The following CHMP2B variants were observed in gnomAD, a reference collection of about 807,000 sequenced individuals.
The protein encoded by CHMP2B is charged multivesicular body protein 2B.
In CHMP2B, 22 loss-of-function variants were observed where a neutral mutation model predicts 29.8. The observed-to-expected ratio is 0.74, with a 90% CI of 0.53 to 1.05. The LOEUF is 1.05. Ranked by LOEUF, CHMP2B falls within the 50% of genes least tolerant of loss-of-function variation. The pLI, the probability that CHMP2B is intolerant of heterozygous loss-of-function variation, is 0.00. For missense variants in CHMP2B, 261 were observed against 252.2 expected, an observed-to-expected ratio of 1.03 and a Z score of -0.24; for synonymous variants, 78 against 75.8, an observed-to-expected ratio of 1.03 and a Z score of -0.15.
chr3:87,229,653 T>C (rs1399441363), intron 1 of CHMP2B, among the ~76,000 whole-genome samples: 3 of 152,210 alleles, frequency 2.0e-5, no homozygotes, highest in African/African-American at 7.2e-5. Context: ...AATGTATTTT[T>C]ATGTCTCTCA....
chr3:87,253,248 ATTTAC>A, intron 4 of CHMP2B, 151 bp from the exon 5 acceptor site: 1 of 634,378 alleles, frequency 1.6e-6, no homozygotes, highest in Non-Finnish European at 2.9e-6. Context: ...GTATTTATCA[ATTTAC>A]TTCACTGACA....
intron 1 of CHMP2B, among the ~76,000 whole-genome samples, chr3:87,234,839 C>T (rs1705971518): frequency 6.6e-6 from 1 of 152,174 alleles, no homozygotes; most frequent in African/African-American, 2.4e-5. Flanking sequence ...TCTTGCCTCA[C>T]ATTGAAAAAT....
At chr3:87,246,539 CCTT>C (rs1247445669) in intron 3 of CHMP2B, among the ~76,000 whole-genome samples, 2 of 152,090 alleles carry the variant, frequency 1.3e-5, no homozygotes, top group Non-Finnish European at 2.9e-5. Flanking sequence ...AGATTTTTGA[CCTT>C]CTTGTCTCAT....
chr3:87,240,026 C>A (rs1457082148), intron 1 of CHMP2B, among the ~76,000 whole-genome samples: 5 of 151,846 alleles, frequency 3.3e-5, no homozygotes, highest in African/African-American at 1.2e-4. Context: ...TCCTGAATTT[C>A]ATATAGTATT....
chr3:87,236,847 T>G (rs1016284049), intron 1 of CHMP2B, among the ~76,000 whole-genome samples: 1 of 151,514 alleles, frequency 6.6e-6, no homozygotes, highest in East Asian at 2.0e-4. Flanking sequence ...CAAAACTCCA[T>G]CTCAAAACAA....
intron 3 of CHMP2B, among the ~76,000 whole-genome samples, chr3:87,247,764 TAC>T (rs1488535522): frequency 2.0e-5 from 3 of 152,170 alleles, no homozygotes; most frequent in African/African-American, 7.2e-5. Flanking sequence ...TGTGCAAACA[TAC>T]AGTTAGAAGG....
intron 1 of CHMP2B, among the ~76,000 whole-genome samples, chr3:87,234,424 G>A (rs1398600186): frequency 1.3e-5 from 2 of 152,130 alleles, no homozygotes; most frequent in African/African-American, 4.8e-5. Flanking sequence ...CTGTAGACCT[G>A]TGTATTTCCT....
At chr3:87,232,050 T>C (rs1475109786) in intron 1 of CHMP2B, among the ~76,000 whole-genome samples, 1 of 152,186 alleles carries the variant, frequency 6.6e-6, no homozygotes, top group Admixed American at 6.5e-5. Context: ...AATAATATCA[T>C]TTACTAACCA....
chr3:87,252,805 A>C (rs1218329237), intron 4 of CHMP2B, among the ~76,000 whole-genome samples: 12 of 151,982 alleles, frequency 7.9e-5, no homozygotes, highest in Non-Finnish European at 1.5e-5. Context: ...AACATGATGC[A>C]TTCTATACAG....
intron 4 of CHMP2B, among the ~76,000 whole-genome samples, 169 bp downstream of exon 4, chr3:87,250,146 G>T (rs1305620020): frequency 6.6e-6 from 1 of 151,916 alleles, no homozygotes; most frequent in Non-Finnish European, 1.5e-5. Flanking sequence ...ACTATGTTAT[G>T]CCACATCACT....
chr3:87,238,785 A>G (rs893522287), intron 1 of CHMP2B, among the ~76,000 whole-genome samples: 4 of 152,132 alleles, frequency 2.6e-5, no homozygotes, highest in African/African-American at 9.7e-5. Flanking sequence ...TTGTTTGAAT[A>G]CTTATTTCAC....
Position 87,253,744 on chromosome 3 carries a change from ACC to A in CHMP2B, c.565_566del (p.Pro189IlefsTer12). The A allele has an allele frequency of 6.2e-7, 1 of 1,612,612 alleles. No individual in the cohort carries two copies. Among genetic ancestry groups the A allele is most frequent in the South Asian group, 1.1e-5 (1 of 91,066 alleles). ...AKAPSAARSL[P>X]SASTSKATIS... ...AAGCTCCATCAGCTGCTCGAAGCTT[ACC>A]ATCTGCCTCTACTTCAAAGGCTACA... On this transcript the variant is annotated frameshift_variant, in exon 6 of 6. Coordinates refer to ENST00000263780, the MANE Select transcript of CHMP2B (RefSeq NM_014043.4). LOFTEE classifies it high-confidence loss of function.
chr3:87,237,094 GT>G (rs1706030186), intron 1 of CHMP2B, among the ~76,000 whole-genome samples: 1 of 152,178 alleles, frequency 6.6e-6, no homozygotes, highest in African/African-American at 2.4e-5. Flanking sequence ...GATCGAGTGT[GT>G]TTGGGTGTTG....
intron 3 of CHMP2B, among the ~76,000 whole-genome samples, chr3:87,248,910 A>C (rs1038571617): frequency 5.3e-5 from 8 of 152,228 alleles, no homozygotes; most frequent in Admixed American, 1.3e-4. Context: ...AATTAGCTAT[A>C]TAATGCATAC....
intron 4 of CHMP2B, 64 bp from the exon 5 acceptor site, chr3:87,253,340 A>G: frequency 1.1e-6 from 1 of 931,558 alleles, no homozygotes; most frequent in Non-Finnish European, 1.8e-6. Flanking sequence ...GACTGTAAAT[A>G]TGTAAGTCTA....
intron 3 of CHMP2B, among the ~76,000 whole-genome samples, chr3:87,248,562 G>A (rs1213966773): frequency 2.0e-5 from 3 of 151,818 alleles, no homozygotes; most frequent in Admixed American, 1.3e-4. Flanking sequence ...TCACCGTGTT[G>A]GCTAGGCTAG....
At chr3:87,245,573 A>G (rs1291954378) in intron 2 of CHMP2B, 141 bp from the exon 3 acceptor site, 11 of 706,942 alleles carry the variant, frequency 1.6e-5, no homozygotes, top group Non-Finnish European at 2.1e-5. Flanking sequence ...CTTTTGCTCT[A>G]TGACTTTATA....
intron 1 of CHMP2B, among the ~76,000 whole-genome samples, chr3:87,230,998 AT>A (rs533568128): frequency 6.7e-6 from 1 of 149,856 alleles, no homozygotes; most frequent in South Asian, 2.1e-4. Flanking sequence ...TTCTGTATTT[AT>A]TTTTTTTTCT....
chr3:87,229,523 G>C (rs1705869853), intron 1 of CHMP2B, among the ~76,000 whole-genome samples: 1 of 151,930 alleles, frequency 6.6e-6, no homozygotes, highest in African/African-American at 2.4e-5. Context: ...TCGTTATTTT[G>C]ATATAGAGCT....
Sources: allele counts gnomAD v4.1 joint callset (sites outside exome capture counted in the v4.1 genomes callset), GRCh38; gene constraint gnomAD v4.1.1; transcripts MANE v1.5; gene names NCBI Gene and HGNC (gene_info 2026-07-23, HGNC 2026-07-21).